The following PRPF19 variants were observed in gnomAD, a reference collection of about 807,000 sequenced individuals.
The protein encoded by PRPF19 is pre-mRNA-processing factor 19.
Under a neutral mutation model 64.2 loss-of-function variants are expected in PRPF19, and 2 were observed. The observed-to-expected ratio is 0.03, with a 90% confidence interval of 0.01 to 0.10. The LOEUF (loss-of-function observed/expected upper bound fraction) is 0.10. Among genes scored for constraint, PRPF19 ranks in the 10% least tolerant of loss-of-function variants. The probability of loss-of-function intolerance (pLI) is 1.00; values close to 1 mark genes in which losing one functional copy is unlikely to be tolerated. For missense variants in PRPF19, 314 were observed against 650.0 expected, an observed-to-expected ratio of 0.48 and a Z score of 5.62; for synonymous variants, 226 against 251.6, an observed-to-expected ratio of 0.90 and a Z score of 0.96.
chr11:60,897,127 C>T (rs1439208066), intron 15 of PRPF19, among the ~76,000 whole-genome samples: 1 of 152,204 alleles, frequency 6.6e-6, no homozygotes, highest in Admixed American at 6.5e-5. Context: ...GTCCTGCAAG[C>T]TCCTTTCATG....
intron 10 of PRPF19, among the ~76,000 whole-genome samples, chr11:60,899,768 G>A (rs986645021): frequency 6.6e-6 from 1 of 152,192 alleles, no homozygotes; most frequent in Non-Finnish European, 1.5e-5. Context: ...TGGATTTCCA[G>A]GGTAAGTTAA....
intron 1 of PRPF19, 114 bp downstream of exon 1, chr11:60,906,250 C>G: frequency 2.1e-6 from 3 of 1,420,580 alleles, no homozygotes; most frequent in Non-Finnish European, 2.7e-6. Context: ...GCTCGGCCTC[C>G]GGAGCGCCCC....
intron 1 of PRPF19, 78 bp downstream of exon 1, chr11:60,906,286 C>A (rs1029809130): frequency 1.3e-6 from 2 of 1,513,634 alleles, no homozygotes. Context: ...CCGGCCCGGG[C>A]GCCGCAGCGG....
At chr11:60,899,560 C>T (rs569290082) in intron 10 of PRPF19, among the ~76,000 whole-genome samples, 1 of 152,316 alleles carries the variant, frequency 6.6e-6, no homozygotes, top group Admixed American at 6.5e-5. Flanking sequence ...CTAACTGCAA[C>T]AGAGAGCAAT....
intron 15 of PRPF19, among the ~76,000 whole-genome samples, chr11:60,894,201 T>A (rs944228222): frequency 1.3e-5 from 2 of 152,244 alleles, no homozygotes; most frequent in African/African-American, 4.8e-5. Flanking sequence ...CCACATCATT[T>A]GATTCTTCCT....
Position 60,899,217 on chromosome 11 carries a change from C to T in PRPF19, c.916G>A (p.Glu306Lys), listed in dbSNP as rs559372803. ...AGGCTGAGGCCTGTCACAGCACTCTCATGGGCCCGAACCACCTGTACACAA... is the reference window on the plus strand; with the variant it reads ...AGGCTGAGGCCTGTCACAGCACTCTTATGGGCCCGAACCACCTGTACACAA... Reference protein sequence around the residue: ...ASCVQVVRAHESAVTGLSLHA... With the variant: ...ASCVQVVRAHKSAVTGLSLHA... Residue 306 changes from glutamate to lysine, a missense_variant, in exon 11 of 16, where the codon GAG (glutamate) becomes AAG (lysine). Physicochemically the swap from Glu to Lys is moderately conservative, Grantham distance 56. Coordinates refer to ENST00000227524, the MANE Select transcript of PRPF19 (RefSeq NM_014502.5). 1 of 1,614,154 alleles carries T rather than the reference C, an allele frequency of 6.2e-7. No individual in the cohort carries two copies. Among genetic ancestry groups the T allele is most frequent in the Admixed American group, 1.7e-5 (1 of 60,018 alleles).
Position 60,898,270 on chromosome 11 carries a change from T to A in PRPF19, c.1142A>T (p.Glu381Val). ...DSQIKIWDLK[E>V]RTNVANFPGH... is the part of the protein sequence containing the mutation. ...AGGGAAGTTGGCCACATTAGTACGT[T>A]CCTACAGTGGCGGTGGGTAGTAAAA... The change falls in exon 14 of 16, where the codon GAA (glutamate) becomes GTA (valine). Residue 381 changes from glutamate to valine, a missense_variant and splice_region_variant. Physicochemically the swap from Glu to Val is moderately radical, Grantham distance 121 (BLOSUM62 -2). Transcript: ENST00000227524. The surrounding 1 kb of genome is among the most constrained non-coding windows in gnomAD (Gnocchi z 4.6). 1 of 1,613,020 alleles carries A rather than the reference T, an allele frequency of 6.2e-7. No homozygotes were observed.
Position 60,898,110 on chromosome 11 carries a change from G to A in PRPF19, c.1302C>T (p.Asn434=), listed in dbSNP as rs750023920. 2 of 1,614,050 alleles carry A rather than the reference G, an allele frequency of 1.2e-6. No homozygotes were observed. Among genetic ancestry groups the A allele is most frequent in the East Asian group, 2.2e-5 (1 of 44,892 alleles). ...AGGGGGAAGGGCACACCTCAAAGTTGTTATCCAGCTGCAAAGTCTTAAAGT... is the reference window on the plus strand; with the variant it reads ...AGGGGGAAGGGCACACCTCAAAGTTATTATCCAGCTGCAAAGTCTTAAAGT... ...LKNFKTLQLD[N]NFEVKSLIFD... is the part of the protein sequence containing the mutation. Residue 434 remains asparagine (N), a synonymous_variant, in exon 14 of 16, where the codon AAC becomes AAT. Transcript: ENST00000227524. This position sits in a 1 kb window ranked among gnomAD's most constrained non-coding sequence, Gnocchi z 4.6.
Position 60,906,383 on chromosome 11 carries a change from G to A in PRPF19, c.-1C>T, listed in dbSNP as rs1856047291. Reference sequence around the variant, plus strand: ...ACTCACTGGAGCAGATTAGGGACATGGCGCCGTCACCGTGCTCCGAGGCGC... The same window carrying A: ...ACTCACTGGAGCAGATTAGGGACATAGCGCCGTCACCGTGCTCCGAGGCGC... On this transcript the variant is annotated 5_prime_UTR_variant, in exon 1 of 16. Transcript: ENST00000227524. 1.3e-6 allele frequency: 2 copies of A among 1,595,602 alleles called. No individual in the cohort carries two copies. Among genetic ancestry groups the A allele is most frequent in the Non-Finnish European group, 1.7e-6 (2 of 1,172,978 alleles).
chr11:60,893,220 G>T (rs1855882743), intron 15 of PRPF19, among the ~76,000 whole-genome samples: 1 of 152,144 alleles, frequency 6.6e-6, no homozygotes, highest in African/African-American at 2.4e-5. Flanking sequence ...AGCTAGGCGC[G>T]GTGGCTCACG....
intron 1 of PRPF19, among the ~76,000 whole-genome samples, chr11:60,904,508 T>C (rs959682084): frequency 6.6e-5 from 10 of 152,144 alleles, no homozygotes; most frequent in Non-Finnish European, 1.5e-4. Flanking sequence ...AAGCCCCAGG[T>C]TGTTTGACCT....
chr11:60,904,780 C>T (rs1167858585), intron 1 of PRPF19, among the ~76,000 whole-genome samples: 2 of 152,180 alleles, frequency 1.3e-5, no homozygotes, highest in African/African-American at 4.8e-5. Flanking sequence ...TGAATCCTGT[C>T]CTTTTGTATT....
chr11:60,890,568 T>G lies in PRPF19; in HGVS notation c.*598A>C, dbSNP rs1317880431. Reference sequence around the variant, plus strand: ...CAAATTTCATCTGCAGATTTGTTTTTATTTCTGCTGTGCAATTAAAAAAAA... The same window carrying G: ...CAAATTTCATCTGCAGATTTGTTTTGATTTCTGCTGTGCAATTAAAAAAAA... On this transcript the variant is annotated 3_prime_UTR_variant, in exon 16 of 16. Transcript: ENST00000227524. Among the ~76,000 whole-genome samples, 1 of 142,296 alleles carries G rather than the reference T, an allele frequency of 7.0e-6. No homozygotes were observed. The highest frequency in any genetic ancestry group is 1.5e-5 in the Non-Finnish European group (1 of 66,182). 93.4% of individuals were successfully genotyped at this position (142,296 alleles called of 152,430 possible).
intron 15 of PRPF19, among the ~76,000 whole-genome samples, chr11:60,897,112 T>C (rs1455067115): frequency 6.6e-6 from 1 of 152,234 alleles, no homozygotes; most frequent in Non-Finnish European, 1.5e-5. Context: ...TGAAAGCAAC[T>C]TCCAGTCCTG....
rs1855985828 is a variant in PRPF19, at chr11:60,901,687, T to C, written c.526-147A>G. ...GTTACAGGCTTAAAGGCATTCTCTC[T>C]TCTTACTTCCATCCCAGCTTTATGA... On this transcript the variant is annotated intron_variant, in intron 6 of 15. Coordinates refer to ENST00000227524, the MANE Select transcript of PRPF19 (RefSeq NM_014502.5). 4.5e-6 allele frequency: 4 copies of C among 886,622 alleles called. No homozygotes were observed. In the Admixed American group the frequency reaches 1.1e-4, roughly 24 times the overall value. 54.9% of individuals were successfully genotyped at this position (886,622 alleles called of 1,614,324 possible).
In PRPF19 at chr11:60,891,103, C is replaced by G. The variant is rs569612801; in HGVS notation, c.*63G>C. The G allele has an allele frequency of 9.0e-5, 48 of 534,826 alleles. No homozygotes were observed. Among genetic ancestry groups the G allele is most frequent in the African/African-American group, 3.1e-4 (15 of 48,688 alleles). 33.1% of individuals were successfully genotyped at this position (534,826 alleles called of 1,614,324 possible). On this transcript the variant is annotated 3_prime_UTR_variant, in exon 16 of 16. Transcript: ENST00000227524. ...CCCATAGATTCCCCCCACCCCCCCC[C>G]CCAAACCCTAATTCTACCCCTCTAC...
At chr11:60,897,685 T>C (rs1417148514) in intron 15 of PRPF19, 161 bp downstream of exon 15, 9 of 607,396 alleles carry the variant, frequency 1.5e-5, no homozygotes, top group Admixed American at 3.1e-5. Context: ...TGCCATGCAG[T>C]CTGACTCAGT....
At chr11:60,894,948 G>A (rs1855903329) in intron 15 of PRPF19, among the ~76,000 whole-genome samples, 1 of 152,208 alleles carries the variant, frequency 6.6e-6, no homozygotes, top group South Asian at 2.1e-4. Context: ...AAAATATTCA[G>A]TAAACCATGC....
Position 60,903,880 on chromosome 11 carries a change from T to C in PRPF19, c.20-19A>G. 6.2e-7 allele frequency: 1 copy of C among 1,605,578 alleles called. No homozygotes were observed. The highest frequency in any genetic ancestry group is 8.5e-7 in the Non-Finnish European group (1 of 1,178,008). On this transcript the variant is annotated intron_variant, in intron 1 of 15. Coordinates refer to ENST00000227524, the MANE Select transcript of PRPF19 (RefSeq NM_014502.5). The stretch of plus-strand genomic sequence containing the variant: ...TTAGAGACTGTAGAGAAAAGGCTGG[T>C]AGTGAGCTTGGAGTGAAGGCAATCT...
Sources: gnomAD v4.1 joint callset for allele counts (sites outside exome capture counted in the v4.1 genomes callset) on GRCh38, gnomAD v4.1.1 for gene constraint, Gnocchi (gnomAD v3.1) non-coding constraint, MANE v1.5 for transcripts, NCBI Gene and HGNC (gene_info 2026-07-23, HGNC 2026-07-21) for gene names.